The following ST6GALNAC5 variants were observed in gnomAD, a reference collection of about 807,000 sequenced individuals.
ST6GALNAC5 encodes ST6 N-acetylgalactosaminide alpha-2,6-sialyltransferase 5.
ST6GALNAC5 carries 27 observed loss-of-function variants against 33.6 expected under a neutral mutation model. The observed-to-expected ratio is 0.80, with a 90% CI of 0.59 to 1.11. The LOEUF (loss-of-function observed/expected upper bound fraction) is 1.11, where lower values mean the gene tolerates loss of function less well. ST6GALNAC5 is among the 50% of genes least tolerant of loss of function. The pLI is 0.00. For synonymous variants in ST6GALNAC5, 194 were observed against 171.2 expected (o/e 1.13, Z -1.04); for missense variants, 428 against 454.0 (o/e 0.94, Z 0.52).
chr1:77,065,801 T>G lies in ST6GALNAC5; in HGVS notation c.*2595T>G, dbSNP rs913174188. On this transcript the variant is annotated 3_prime_UTR_variant, in exon 5 of 5. Coordinates refer to ENST00000477717, the MANE Select transcript of ST6GALNAC5 (RefSeq NM_030965.3). ...AGTCATACTCGTTATGTTACATGCC[T>G]TTTTCCTCTCTCCCAGCTGTGTCAT... 2.0e-5 allele frequency: 3 copies of G among 152,246 alleles called. No individual in the cohort carries two copies. The highest frequency in any genetic ancestry group is 2.9e-5 in the Non-Finnish European group (2 of 68,052). 9.4% of individuals were successfully genotyped at this position (152,246 alleles called of 1,614,324 possible). A position where few individuals can be genotyped will look rare whatever the true frequency, so the allele number is the denominator to read the frequency against.
At position 77,032,797 on chromosome 1, in the gene ST6GALNAC5, C is replaced by T. The variant is rs368619500; in HGVS notation, c.262-11407C>T. On this transcript the variant is annotated intron_variant, in intron 2 of 4. Transcript: ENST00000477717. ...TTGACTGAAACCTCAGATTTTTCCC[C>T]CAATGTAATTCAGCTATATATACGA... 7.2e-5 allele frequency among the ~76,000 whole-genome samples: 11 copies of T among 152,218 alleles called. No individual in the cohort carries two copies. In the East Asian group the frequency reaches 1.7e-3, roughly 24 times the overall value.
intron 2 of ST6GALNAC5, among the ~76,000 whole-genome samples, chr1:77,007,006 C>G (rs1416857645): frequency 6.6e-6 from 1 of 152,306 alleles, no homozygotes; most frequent in South Asian, 2.1e-4. Context: ...GTCCCAAGAA[C>G]AGCAAGAGAG....
At chr1:77,050,651 C>T (rs1052195550) in intron 4 of ST6GALNAC5, among the ~76,000 whole-genome samples, 7 of 152,250 alleles carry the variant, frequency 4.6e-5, no homozygotes, top group East Asian at 1.9e-4. Context: ...ATAATATTAA[C>T]GATGAACAAG....
chr1:77,010,732 C>T (rs1401209973), intron 2 of ST6GALNAC5, among the ~76,000 whole-genome samples: 2 of 152,190 alleles, frequency 1.3e-5, no homozygotes, highest in African/African-American at 4.8e-5. Flanking sequence ...CACCCCAACA[C>T]TCTGGACTAA....
At chr1:76,953,979 T>C (rs764250847) in intron 2 of ST6GALNAC5, among the ~76,000 whole-genome samples, 8 of 152,166 alleles carry the variant, frequency 5.3e-5, no homozygotes, top group Non-Finnish European at 1.2e-4. Context: ...TGCTTGTGCG[T>C]AACAACTAGC....
At chr1:76,951,583 A>G (rs1647747650) in intron 2 of ST6GALNAC5, among the ~76,000 whole-genome samples, 1 of 152,122 alleles carries the variant, frequency 6.6e-6, no homozygotes, top group African/African-American at 2.4e-5. Context: ...GTGTATACCT[A>G]TGTAACAAAC....
chr1:77,013,695 T>C (rs140099169), intron 2 of ST6GALNAC5, among the ~76,000 whole-genome samples: 76 of 152,328 alleles, frequency 5.0e-4, no homozygotes, highest in African/African-American at 1.6e-3. Flanking sequence ...CCTGAGAGAC[T>C]ATTATATTTA....
At chr1:76,941,850 A>G (rs1427362653) in intron 2 of ST6GALNAC5, among the ~76,000 whole-genome samples, 2 of 152,124 alleles carry the variant, frequency 1.3e-5, no homozygotes, top group Non-Finnish European at 2.9e-5. Context: ...TTAAGCCACC[A>G]GGTATGTGGC....
At position 77,063,009 on chromosome 1, in the gene ST6GALNAC5, T is replaced by C; in HGVS notation, c.814T>C (p.Tyr272His). The change falls in exon 5 of 5, where the codon TAT becomes CAT. Residue 272 changes from tyrosine (Y) to histidine (H), a missense_variant. Transcript: ENST00000477717. ...TCACCCTTCAGTACCTTATCATTAT[T>C]ATGAACCTTTTGGACCTGATGAATG... ...PNHPSVPYHY[Y>H]EPFGPDECTM... 6.2e-7 allele frequency: 1 copy of C among 1,613,960 alleles called. No individual in the cohort carries two copies. The highest frequency in any genetic ancestry group is 8.5e-7 in the Non-Finnish European group (1 of 1,179,882).
chr1:76,949,841 AC>A (rs1647675310), intron 2 of ST6GALNAC5, among the ~76,000 whole-genome samples: 1 of 152,092 alleles, frequency 6.6e-6, no homozygotes, highest in South Asian at 2.1e-4. Context: ...GAAGGCAATA[AC>A]CCTTTTTTAG....
At chr1:77,026,627 T>G (rs1442041962) in intron 2 of ST6GALNAC5, among the ~76,000 whole-genome samples, 1 of 152,210 alleles carries the variant, frequency 6.6e-6, no homozygotes, top group Admixed American at 6.5e-5. Flanking sequence ...GGACAGCAGG[T>G]GTCAACCACT....
chr1:77,058,950 G>C (rs1358419664), intron 4 of ST6GALNAC5, among the ~76,000 whole-genome samples: 1 of 152,192 alleles, frequency 6.6e-6, no homozygotes, highest in Non-Finnish European at 1.5e-5. Context: ...AAGCTGAGCA[G>C]GTACTTACAA....
At chr1:77,027,085 A>G (rs1651269978) in intron 2 of ST6GALNAC5, among the ~76,000 whole-genome samples, 1 of 152,228 alleles carries the variant, frequency 6.6e-6, no homozygotes, top group Non-Finnish European at 1.5e-5. Context: ...AACGAAAGTT[A>G]ATGACAGAAG....
intron 2 of ST6GALNAC5, among the ~76,000 whole-genome samples, chr1:76,871,971 T>C (rs1207212398): frequency 1.3e-5 from 2 of 151,952 alleles, no homozygotes; most frequent in Non-Finnish European, 2.9e-5. Context: ...TGGAAGCCAA[T>C]GATAACAAGA....
chr1:77,057,080 T>C (rs1652422793), intron 4 of ST6GALNAC5, among the ~76,000 whole-genome samples: 1 of 152,188 alleles, frequency 6.6e-6, no homozygotes, highest in South Asian at 2.1e-4. Flanking sequence ...TTAATTCAAC[T>C]CTATTCTCTC....
At chr1:77,055,186 AG>A (rs1652350340) in intron 4 of ST6GALNAC5, among the ~76,000 whole-genome samples, 1 of 152,138 alleles carries the variant, frequency 6.6e-6, no homozygotes, top group African/African-American at 2.4e-5. Context: ...TTAGCACACA[AG>A]ACCTTCAGGA....
chr1:77,001,074 AC>A (rs1337823894), intron 2 of ST6GALNAC5, among the ~76,000 whole-genome samples: 2 of 151,982 alleles, frequency 1.3e-5, no homozygotes, highest in Non-Finnish European at 2.9e-5. Flanking sequence ...TCTGTACGTT[AC>A]CTTGGCCAGT....
At chr1:76,947,506 G>A (rs1166841459) in intron 2 of ST6GALNAC5, among the ~76,000 whole-genome samples, 2 of 152,004 alleles carry the variant, frequency 1.3e-5, no homozygotes, top group African/African-American at 2.4e-5. Context: ...GAGACTGAGC[G>A]GGGGAGGATT....
chr1:76,964,496 G>T (rs541707979), intron 2 of ST6GALNAC5, among the ~76,000 whole-genome samples: 1 of 152,150 alleles, frequency 6.6e-6, no homozygotes, highest in South Asian at 2.1e-4. Context: ...CAGAGATAAA[G>T]TTTCTGATTT....
Sources: allele counts gnomAD v4.1 joint callset (sites outside exome capture counted in the v4.1 genomes callset), GRCh38; gene constraint gnomAD v4.1.1; transcripts MANE v1.5; gene names NCBI Gene and HGNC (gene_info 2026-07-23, HGNC 2026-07-21).